MAST2: variants seen among roughly 807,000 people sequenced by gnomAD.
MAST2 encodes the protein microtubule-associated serine/threonine-protein kinase 2.
MAST2 carries 70 observed loss-of-function variants against 147.4 expected under a neutral mutation model. The observed-to-expected ratio is 0.47, with a 90% CI of 0.39 to 0.58. MAST2 has a LOEUF of 0.58. Ranked by LOEUF, MAST2 falls within the 20% of genes least tolerant of loss-of-function variation. The probability of loss-of-function intolerance (pLI) is 0.00; values close to 1 mark genes in which losing one functional copy is unlikely to be tolerated. For synonymous variants in MAST2, 869 were observed against 896.8 expected (o/e 0.97, Z 0.55); for missense variants, 2,080 against 2,302.3 (o/e 0.90, Z 1.98).
chr1:45,967,899 C>T (rs1296510359), intron 5 of MAST2, among the ~76,000 whole-genome samples: 2 of 152,194 alleles, frequency 1.3e-5, no homozygotes, highest in African/African-American at 4.8e-5. Flanking sequence ...ATTCATTTCA[C>T]TTATATATAA....
chr1:46,023,528 T>G lies in MAST2; in HGVS notation c.1571+210T>G. On this transcript the variant is annotated intron_variant, in intron 14 of 28. Transcript: ENST00000361297. This position sits in a 1 kb window ranked among gnomAD's most constrained non-coding sequence, Gnocchi z 4.9. Reference sequence around the variant, plus strand: ...CAGACAAGATTCCCACGCCTCTTACTACCACGCATCCTCCATTCCCTGAGC... The same window carrying G: ...CAGACAAGATTCCCACGCCTCTTACGACCACGCATCCTCCATTCCCTGAGC... The G allele has an allele frequency of 1.6e-6, 1 of 620,502 alleles. No homozygotes were observed. Among genetic ancestry groups the G allele is most frequent in the Admixed American group, 2.9e-5 (1 of 34,622 alleles). 38.4% of individuals were successfully genotyped at this position (620,502 alleles called of 1,614,324 possible). A position where few individuals can be genotyped will look rare whatever the true frequency, so the allele number is the denominator to read the frequency against.
intron 4 of MAST2, among the ~76,000 whole-genome samples, chr1:45,912,855 T>A (rs781030008): frequency 2.0e-5 from 3 of 152,196 alleles, no homozygotes; most frequent in Admixed American, 6.5e-5. Flanking sequence ...AGCTAACACT[T>A]TTATAGTGCT....
At chr1:45,836,593 A>G (rs1026419742) in intron 3 of MAST2, among the ~76,000 whole-genome samples, 4 of 152,172 alleles carry the variant, frequency 2.6e-5, no homozygotes, top group African/African-American at 9.7e-5. Flanking sequence ...TTCCAAATTC[A>G]GCACTTCCCC....
At chr1:45,981,411 G>A (rs1044901401) in intron 5 of MAST2, among the ~76,000 whole-genome samples, 1 of 152,024 alleles carries the variant, frequency 6.6e-6, no homozygotes, top group Non-Finnish European at 1.5e-5. Flanking sequence ...TGGGCAGGGG[G>A]CTAGGGAATG....
At chr1:45,923,566 GATTAAA>G (rs1258802610) in intron 4 of MAST2, among the ~76,000 whole-genome samples, 117 of 152,288 alleles carry the variant, frequency 7.7e-4, no homozygotes, top group Admixed American at 2.2e-3. Flanking sequence ...GGTGCAGAGA[GATTAAA>G]TAAATTGCTC....
intron 3 of MAST2, among the ~76,000 whole-genome samples, chr1:45,839,648 C>A (rs1645213935): frequency 6.6e-6 from 1 of 152,134 alleles, no homozygotes; most frequent in Non-Finnish European, 1.5e-5. Flanking sequence ...GATCAAAACC[C>A]AGGTAGTATT....
At chr1:45,963,356 G>T (rs1660712402) in intron 5 of MAST2, among the ~76,000 whole-genome samples, 1 of 152,208 alleles carries the variant, frequency 6.6e-6, no homozygotes, top group Non-Finnish European at 1.5e-5. Flanking sequence ...ACCTTGGGCA[G>T]TATGGCCATT....
chr1:45,846,819 C>T (rs1381049703), intron 3 of MAST2, among the ~76,000 whole-genome samples: 18 of 124,324 alleles, frequency 1.4e-4, no homozygotes, highest in Admixed American at 1.0e-3. Context: ...TGCAAGACTC[C>T]GTCTTAAAAA....
intron 5 of MAST2, among the ~76,000 whole-genome samples, chr1:45,979,636 C>A (rs1386035672): frequency 6.6e-6 from 1 of 152,124 alleles, no homozygotes; most frequent in African/African-American, 2.4e-5. Context: ...CCAGCCTGGA[C>A]AACATAGTGA....
Position 46,023,435 on chromosome 1 carries a change from C to T in MAST2, c.1571+117C>T, listed in dbSNP as rs976413694. On this transcript the variant is annotated intron_variant, in intron 14 of 28. Coordinates refer to ENST00000361297, the MANE Select transcript of MAST2 (RefSeq NM_015112.3). The surrounding 1 kb of genome is among the most constrained non-coding windows in gnomAD (Gnocchi z 4.9). The stretch of plus-strand genomic sequence containing the variant: ...GCAGATGCCTCGGGGTGGACCTTCT[C>T]ACTCCCAGAAGCCTCCTGGGTGGGC... The T allele has an allele frequency of 8.6e-6, 8 of 931,534 alleles. No homozygotes were observed. Among genetic ancestry groups the T allele is most frequent in the African/African-American group, 6.6e-5 (4 of 60,864 alleles). 57.7% of individuals were successfully genotyped at this position (931,534 alleles called of 1,614,324 possible).
chr1:46,004,023 C>A (rs185524849), intron 7 of MAST2, among the ~76,000 whole-genome samples: 38 of 152,262 alleles, frequency 2.5e-4, no homozygotes, highest in Admixed American at 2.0e-3. Flanking sequence ...CCAAAGATGT[C>A]ATTGGTCTTT....
chr1:45,939,210 G>A (rs1024068345), intron 4 of MAST2, among the ~76,000 whole-genome samples: 3 of 151,962 alleles, frequency 2.0e-5, no homozygotes, highest in African/African-American at 7.2e-5. Context: ...TATGGTATGA[G>A]GTCAAATGTG....
At chr1:45,816,804 A>G (rs1644469900) in intron 1 of MAST2, among the ~76,000 whole-genome samples, 2 of 152,066 alleles carry the variant, frequency 1.3e-5, no homozygotes, top group Non-Finnish European at 2.9e-5. Flanking sequence ...CAGCCTCCCA[A>G]GTAGCTGGGA....
chr1:45,830,190 T>TG (rs1380876056), intron 3 of MAST2, among the ~76,000 whole-genome samples: 8 of 148,128 alleles, frequency 5.4e-5, no homozygotes, highest in Non-Finnish European at 7.5e-5. Flanking sequence ...TCTTTTTTTT[T>TG]TTTTTTTTTT....
Position 45,987,777 on chromosome 1 carries a change from A to ATTTTTTTTTTTTTTTTTT in MAST2, c.593-9940_593-9923dup. 8.3e-4 allele frequency among the ~76,000 whole-genome samples: 18 copies of ATTTTTTTTTTTTTTTTTT among 21,786 alleles called. 1 individual carries two copies. Among genetic ancestry groups the ATTTTTTTTTTTTTTTTTT allele is most frequent in the African/African-American group, 1.7e-3 (8 of 4,738 alleles). 14.3% of individuals were successfully genotyped at this position (21,786 alleles called of 152,430 possible). ...AGCATTTCTTGTTTTTTTTTTTTTG[A>ATTTTTTTTTTTTTTTTTT]TTTTTTTTTTTTTTTTTTTTTTTTG... On this transcript the variant is annotated intron_variant, in intron 5 of 28. Transcript: ENST00000361297.
At position 46,029,862 on chromosome 1, in the gene MAST2, C is replaced by T. The variant is rs1571280818; in HGVS notation, c.2352C>T (p.Phe784=). 3 of 1,614,228 alleles carry T rather than the reference C, an allele frequency of 1.9e-6. No homozygotes were observed. The highest frequency in any genetic ancestry group is 2.5e-6 in the Non-Finnish European group (3 of 1,180,036). The part of the protein sequence containing the change: ...GSAYEVKQHP[F]FTGLDWTGLL... ...CCTATGAGGTGAAGCAGCACCCATT[C>T]TTTACTGGTCTGGACTGGACAGGAC... The change falls in exon 20 of 29, where the codon TTC becomes TTT. Residue 784 remains phenylalanine (F), a synonymous_variant. Transcript: ENST00000361297.
At chr1:45,885,006 A>C (rs1176318418) in intron 4 of MAST2, among the ~76,000 whole-genome samples, 1 of 152,330 alleles carries the variant, frequency 6.6e-6, no homozygotes, top group East Asian at 1.9e-4. Flanking sequence ...TAGCATTTGT[A>C]GTAAAGAAAA....
intron 5 of MAST2, among the ~76,000 whole-genome samples, chr1:45,978,661 T>G (rs1255354154): frequency 1.3e-5 from 2 of 152,232 alleles, no homozygotes; most frequent in Non-Finnish European, 2.9e-5. Flanking sequence ...TATAAATTAA[T>G]ACAACTATTT....
intron 3 of MAST2, among the ~76,000 whole-genome samples, chr1:45,880,698 C>T (rs1020253470): frequency 2.0e-5 from 3 of 151,520 alleles, no homozygotes; most frequent in Non-Finnish European, 2.9e-5. Context: ...AAAAGTAAAC[C>T]GGCTGGGCGT....
Sources: allele counts gnomAD v4.1 joint callset (sites outside exome capture counted in the v4.1 genomes callset), GRCh38; gene constraint gnomAD v4.1.1; non-coding constraint Gnocchi (gnomAD v3.1); transcripts MANE v1.5; gene names NCBI Gene and HGNC (gene_info 2026-07-23, HGNC 2026-07-21).